Variants in BCL11A observed in about 807,000 individuals in gnomAD.
BCL11A encodes the protein B cell CLL/lymphoma 11A.
A neutral mutation model predicts 55.9 loss-of-function variants in BCL11A; 2 were observed. That is an observed-to-expected ratio of 0.04 (90% CI 0.01 to 0.11). The LOEUF (loss-of-function observed/expected upper bound fraction) is 0.11. BCL11A is among the 10% of genes least tolerant of loss of function. The pLI is 1.00. For missense variants in BCL11A, 817 were observed against 1,137.1 expected (o/e 0.72, Z 4.05); for synonymous variants, 465 against 473.4 (o/e 0.98, Z 0.23).
chr2:60,461,393 C>T lies in BCL11A; in HGVS notation c.1519G>A (p.Glu507Lys), dbSNP rs1223077298. 1 of 1,605,722 alleles carries T rather than the reference C, an allele frequency of 6.2e-7. No individual in the cohort carries two copies. The highest frequency in any genetic ancestry group is 8.5e-7 in the Non-Finnish European group (1 of 1,178,928). The change falls in exon 4 of 4, where the codon GAG becomes AAG. Residue 507 changes from glutamate (E) to lysine (K), a missense_variant. Physicochemically the swap from Glu to Lys is moderately conservative, Grantham distance 56. Transcript: ENST00000642384. ...EEEEEEEELT[E>K]SERVDYGFGL... ...AAGCCGTAGTCCACCCTCTCGCTCT[C>T]CGTCAGCTCCTCCTCCTCCTCTTCC...
chr2:60,470,182 G>C (rs1677118576), intron 2 of BCL11A, among the ~76,000 whole-genome samples: 1 of 152,126 alleles, frequency 6.6e-6, no homozygotes, highest in African/African-American at 2.4e-5. Flanking sequence ...GCAGAGGGAA[G>C]CCCTGGTGGA....
chr2:60,465,715 A>T (rs1676564265), intron 3 of BCL11A, among the ~76,000 whole-genome samples: 1 of 152,264 alleles, frequency 6.6e-6, no homozygotes, highest in African/African-American at 2.4e-5. Flanking sequence ...GCATAAAAAC[A>T]GTACCTGTAA....
Position 60,461,878 on chromosome 2 carries a change from G to T in BCL11A, c.1034C>A (p.Pro345Gln). 1 of 1,614,020 alleles carries T rather than the reference G, an allele frequency of 6.2e-7. No individual in the cohort carries two copies. Among genetic ancestry groups the T allele is most frequent in the Non-Finnish European group, 8.5e-7 (1 of 1,179,898 alleles). ...RPSPMQRLLQ[P>Q]FQPGSKPPFL... ...GGGCGGCTTGCTACCTGGCTGGAATGGTTGCAGTAACCTTTGCATAGGGCT... is the reference window on the plus strand; with the variant it reads ...GGGCGGCTTGCTACCTGGCTGGAATTGTTGCAGTAACCTTTGCATAGGGCT... The change falls in exon 4 of 4, where the codon CCA becomes CAA. Residue 345 changes from proline to glutamine, a missense_variant. Physicochemically the swap from Pro to Gln is moderately conservative, Grantham distance 76. Coordinates refer to ENST00000642384, the MANE Select transcript of BCL11A (RefSeq NM_022893.4).
intron 2 of BCL11A, among the ~76,000 whole-genome samples, chr2:60,485,157 C>T (rs1209929894): frequency 6.6e-6 from 1 of 152,176 alleles, no homozygotes. Context: ...CTAAACAGGC[C>T]CCTTCTTCCT....
chr2:60,451,390 C>T (rs1397612925), exon 5 of BCL11A: 1 of 228,188 alleles, frequency 4.4e-6, no homozygotes, highest in East Asian at 6.3e-5. Flanking sequence ...TCTTCTGGAT[C>T]TCCAAGCAGT....
chr2:60,553,164 G>C, intron 1 of BCL11A, 52 bp downstream of exon 1: 1 of 1,548,392 alleles, frequency 6.5e-7, no homozygotes, highest in Non-Finnish European at 8.7e-7. Flanking sequence ...TTCTAGTCCT[G>C]CGCGCTCTCG....
chr2:60,468,332 C>G (rs542876366), intron 3 of BCL11A, among the ~76,000 whole-genome samples: 1 of 152,270 alleles, frequency 6.6e-6, no homozygotes, highest in South Asian at 2.1e-4. Context: ...CCTAAACTGA[C>G]TCCTTTTGAT....
chr2:60,512,794 C>A (rs1399988548), intron 2 of BCL11A, among the ~76,000 whole-genome samples: 3 of 152,162 alleles, frequency 2.0e-5, no homozygotes, highest in African/African-American at 7.2e-5. Flanking sequence ...CTTTTAGTGT[C>A]TCAAGTATGA....
intron 2 of BCL11A, chr2:60,508,486 T>A (rs1679772247): frequency 6.6e-6 from 1 of 152,248 alleles, no homozygotes; most frequent in African/African-American, 2.4e-5. Context: ...GGCAAAGGAA[T>A]GCAACTGGGA....
chr2:60,500,877 A>G (rs112957783), intron 2 of BCL11A, among the ~76,000 whole-genome samples: 3 of 152,308 alleles, frequency 2.0e-5, no homozygotes, highest in African/African-American at 7.2e-5. Context: ...CACTGGTAAA[A>G]TGTGTATGAT....
intron 2 of BCL11A, among the ~76,000 whole-genome samples, chr2:60,506,469 G>A (rs1266395142): frequency 6.6e-6 from 1 of 152,268 alleles, no homozygotes; most frequent in East Asian, 1.9e-4. Flanking sequence ...CCAGTCCTCA[G>A]ACCCTCCAAG....
intron 2 of BCL11A, among the ~76,000 whole-genome samples, chr2:60,497,313 C>T (rs1471344105): frequency 2.0e-5 from 3 of 152,290 alleles, no homozygotes; most frequent in East Asian, 3.9e-4. Flanking sequence ...AACGAAGCAT[C>T]GCCTTTAACT....
At chr2:60,468,106 GGTGGCA>G (rs1156506579) in intron 3 of BCL11A, among the ~76,000 whole-genome samples, 1 of 129,324 alleles carries the variant, frequency 7.7e-6, no homozygotes, top group Non-Finnish European at 1.7e-5. Context: ...TGGTGGTGAT[GGTGGCA>G]GTGGTGGTTG....
intron 2 of BCL11A, among the ~76,000 whole-genome samples, chr2:60,532,680 T>C (rs979702081): frequency 6.6e-6 from 1 of 152,252 alleles, no homozygotes; most frequent in Non-Finnish European, 1.5e-5. Context: ...AAAAACAGTT[T>C]GCCACAGTGA....
At chr2:60,492,027 C>T (rs941656457) in intron 2 of BCL11A, among the ~76,000 whole-genome samples, 1 of 152,200 alleles carries the variant, frequency 6.6e-6, no homozygotes, top group African/African-American at 2.4e-5. Context: ...GAATTCAGCA[C>T]AGGAGATGCT....
In BCL11A at chr2:60,488,790, G is replaced by A. The variant is rs189430573; in HGVS notation, c.386-19957C>T. The stretch of plus-strand genomic sequence containing the variant: ...TTTTTTGTTTCTGAGGTGGAGTTTC[G>A]CTCTTGTTGCCCGGGCTGGAGTGCA... On this transcript the variant is annotated intron_variant, in intron 2 of 3. Transcript: ENST00000642384. Among the ~76,000 whole-genome samples, 22 of 151,932 alleles carry A rather than the reference G, an allele frequency of 1.4e-4. No homozygotes were observed. The East Asian group carries it at 2.1e-3, about 15-fold the overall frequency.
At chr2:60,552,624 A>G (rs796084461) in intron 1 of BCL11A, among the ~76,000 whole-genome samples, 42 of 152,030 alleles carry the variant, frequency 2.8e-4, no homozygotes, top group African/African-American at 9.4e-4. Flanking sequence ...GCCCCTTTCC[A>G]CAGTGCCACT....
chr2:60,470,278 C>G (rs1226587773), intron 2 of BCL11A, among the ~76,000 whole-genome samples: 1 of 152,164 alleles, frequency 6.6e-6, no homozygotes, highest in African/African-American at 2.4e-5. Context: ...TGAACCAACA[C>G]AAGCAGGAAG....
intron 2 of BCL11A, among the ~76,000 whole-genome samples, chr2:60,530,224 A>G (rs1042927333): frequency 6.7e-6 from 1 of 148,402 alleles, no homozygotes; most frequent in Non-Finnish European, 1.5e-5. Flanking sequence ...CCTTTTCCCC[A>G]CCCCTGGCCT....
Sources: allele counts gnomAD v4.1 joint callset (sites outside exome capture counted in the v4.1 genomes callset), GRCh38; gene constraint gnomAD v4.1.1; transcripts MANE v1.5; gene names NCBI Gene and HGNC (gene_info 2026-07-23, HGNC 2026-07-21).